The following HHAT variants were observed in gnomAD, a reference collection of about 807,000 sequenced individuals.
The protein encoded by HHAT is hedgehog acyltransferase.
A neutral mutation model predicts 70.8 loss-of-function variants in HHAT; 47 were observed. The observed-to-expected ratio is 0.66, with a 90% CI of 0.53 to 0.85. HHAT has a LOEUF of 0.85. HHAT is among the 40% of genes least tolerant of loss of function. The pLI, the probability that HHAT is intolerant of heterozygous loss-of-function variation, is 0.00. For synonymous variants in HHAT, 228 were observed against 247.6 expected (o/e 0.92, Z 0.74); for missense variants, 609 against 604.8 (o/e 1.01, Z -0.07).
At chr1:210,353,435 T>C (rs2087257259) in intron 2 of HHAT, among the ~76,000 whole-genome samples, 1 of 29,656 alleles carries the variant, frequency 3.4e-5, no homozygotes, top group Non-Finnish European at 5.9e-5. Context: ...AAGTCACCTG[T>C]TTTTTTTTTT....
intron 9 of HHAT, among the ~76,000 whole-genome samples, chr1:210,568,697 A>C (rs951389767): frequency 5.3e-5 from 8 of 152,202 alleles, no homozygotes; most frequent in African/African-American, 1.7e-4. Flanking sequence ...AATGAACAGG[A>C]TCAAGTAAAG....
intron 2 of HHAT, 56 bp from the exon 3 acceptor site, chr1:210,362,796 G>A: frequency 6.9e-7 from 1 of 1,446,332 alleles, no homozygotes; most frequent in Non-Finnish European, 9.7e-7. Context: ...CAGCTCTTCA[G>A]CCAGCCCAGT....
At chr1:210,668,436 C>T (rs1679381866) in intron 11 of HHAT, among the ~76,000 whole-genome samples, 1 of 152,172 alleles carries the variant, frequency 6.6e-6, no homozygotes. Context: ...TTTTCCTGTG[C>T]TGTTCTCAGG....
intron 2 of HHAT, among the ~76,000 whole-genome samples, chr1:210,361,355 G>C (rs534694101): frequency 6.6e-6 from 1 of 152,312 alleles, no homozygotes; most frequent in African/African-American, 2.4e-5. Context: ...ATGGTCTTGC[G>C]TGCAGCTGTC....
Position 210,545,436 on chromosome 1 carries a change from C to CTTTTTTT in HHAT, c.1043+32259_1043+32265dup, listed in dbSNP as rs71571956. ...ATTTAGTCATGACTTCTTTTTTTTC[C>CTTTTTTT]TTTTTTTTTTTTTTTTTGAGATCAG... On this transcript the variant is annotated intron_variant, in intron 9 of 11. Coordinates refer to ENST00000261458, the MANE Select transcript of HHAT (RefSeq NM_018194.6). Among the ~76,000 whole-genome samples, 121 of 127,190 alleles carry CTTTTTTT rather than the reference C, an allele frequency of 9.5e-4. 3 individuals are homozygous for CTTTTTTT. Among genetic ancestry groups the CTTTTTTT allele is most frequent in the African/African-American group, 3.4e-3 (116 of 33,934 alleles). The allele number at this position is 127,190 out of a possible 152,430, so 83.4% of individuals were successfully genotyped here. A position where few individuals can be genotyped will look rare whatever the true frequency, so the allele number is the denominator to read the frequency against.
At chr1:210,478,283 C>T (rs375699727) in intron 8 of HHAT, among the ~76,000 whole-genome samples, 6 of 152,166 alleles carry the variant, frequency 3.9e-5, no homozygotes, top group Admixed American at 2.0e-4. Context: ...AAGTTTTTAG[C>T]GAGATCATTT....
At chr1:210,551,760 C>T (rs1176806784) in intron 9 of HHAT, among the ~76,000 whole-genome samples, 1 of 152,184 alleles carries the variant, frequency 6.6e-6, no homozygotes, top group Non-Finnish European at 1.5e-5. Flanking sequence ...GCTTTGGTAA[C>T]CCAGGTACTT....
chr1:210,542,031 C>T (rs1382167317), intron 9 of HHAT, among the ~76,000 whole-genome samples: 1 of 152,202 alleles, frequency 6.6e-6, no homozygotes, highest in Non-Finnish European at 1.5e-5. Context: ...TTCATCTCCT[C>T]CTTCCTTCTG....
intron 9 of HHAT, among the ~76,000 whole-genome samples, chr1:210,548,053 T>C (rs1045919669): frequency 6.6e-6 from 1 of 152,220 alleles, no homozygotes; most frequent in African/African-American, 2.4e-5. Flanking sequence ...ATTGCATGAT[T>C]TCCTCTCTTA....
chr1:210,656,368 G>A (rs148770964), intron 11 of HHAT, among the ~76,000 whole-genome samples: 7 of 151,954 alleles, frequency 4.6e-5, no homozygotes, highest in Admixed American at 3.9e-4. Flanking sequence ...CCACAGTCAC[G>A]CATGTGCTTT....
intron 9 of HHAT, among the ~76,000 whole-genome samples, chr1:210,550,581 G>A (rs1463271223): frequency 6.7e-6 from 1 of 148,992 alleles, no homozygotes; most frequent in Middle Eastern, 3.2e-3. Flanking sequence ...GGAAGACTAG[G>A]GATGAGGGAG....
intron 3 of HHAT, among the ~76,000 whole-genome samples, chr1:210,375,901 G>A (rs1350793666): frequency 6.6e-6 from 1 of 151,324 alleles, no homozygotes; most frequent in Admixed American, 6.6e-5. Flanking sequence ...ATCCAGGCTG[G>A]AGTGCAGTGG....
chr1:210,491,968 G>A (rs2094558952), intron 8 of HHAT, among the ~76,000 whole-genome samples: 1 of 152,098 alleles, frequency 6.6e-6, no homozygotes, highest in African/African-American at 2.4e-5. Flanking sequence ...TTACCATGTT[G>A]GCCAGACTGG....
chr1:210,479,160 T>C (rs1043133961), intron 8 of HHAT, among the ~76,000 whole-genome samples: 14 of 152,230 alleles, frequency 9.2e-5, no homozygotes, highest in African/African-American at 3.4e-4. Flanking sequence ...TCATATTTGA[T>C]TCTTGGATGG....
chr1:210,515,349 A>G (rs2095035921), intron 9 of HHAT, among the ~76,000 whole-genome samples: 1 of 152,100 alleles, frequency 6.6e-6, no homozygotes, highest in South Asian at 2.1e-4. Flanking sequence ...CCAGCTTGGG[A>G]GTAAGGGGTA....
chr1:210,576,579 A>G (rs1657814244), intron 9 of HHAT, among the ~76,000 whole-genome samples: 1 of 151,984 alleles, frequency 6.6e-6, no homozygotes, highest in Admixed American at 6.6e-5. Context: ...TGACGAGTTA[A>G]TGAGTGCAGC....
intron 3 of HHAT, among the ~76,000 whole-genome samples, chr1:210,364,391 C>A (rs1009230466): frequency 6.6e-6 from 1 of 152,162 alleles, no homozygotes; most frequent in Admixed American, 6.5e-5. Context: ...GAATGTAACA[C>A]TAGCGGATGT....
chr1:210,579,275 C>A (rs141843335), intron 9 of HHAT, among the ~76,000 whole-genome samples: 5 of 152,056 alleles, frequency 3.3e-5, no homozygotes, highest in African/African-American at 1.2e-4. Context: ...CACATGTACC[C>A]CTAAACTTAA....
chr1:210,666,617 A>G (rs1678948913), intron 11 of HHAT, among the ~76,000 whole-genome samples: 1 of 151,984 alleles, frequency 6.6e-6, no homozygotes, highest in Admixed American at 6.6e-5. Context: ...CTGAGTAGCT[A>G]TGATCACAGG....
Sources: gnomAD v4.1 joint callset for allele counts (sites outside exome capture counted in the v4.1 genomes callset) on GRCh38, gnomAD v4.1.1 for gene constraint, MANE v1.5 for transcripts, NCBI Gene and HGNC (gene_info 2026-07-23, HGNC 2026-07-21) for gene names.